The following EHD1 variants were observed in gnomAD, a reference collection of about 807,000 sequenced individuals.
EHD1 encodes EH domain containing 1, also known as EH domain-containing protein 1.
EHD1 carries 19 observed loss-of-function variants against 39.0 expected under a neutral mutation model. The ratio of observed to expected loss-of-function variants is 0.49; its 90% CI spans 0.34 to 0.72. EHD1 has a LOEUF of 0.72. EHD1 is among the 30% of genes least tolerant of loss of function. The pLI, the probability that EHD1 is intolerant of heterozygous loss-of-function variation, is 0.01. For missense variants in EHD1, 542 were observed against 751.5 expected (o/e 0.72, Z 3.26); for synonymous variants, 323 against 331.2 (o/e 0.98, Z 0.27).
chr11:64,855,015 T>C (rs868016292), intron 4 of EHD1, 158 bp from the exon 5 acceptor site: 20 of 988,700 alleles, frequency 2.0e-5, no homozygotes, highest in South Asian at 1.4e-4. Flanking sequence ...CTCTCTAACC[T>C]GTACACAGGA....
In EHD1 at chr11:64,854,651, C is replaced by A; in HGVS notation, c.1287G>T (p.Gly429=). The A allele has an allele frequency of 6.2e-7, 1 of 1,613,934 alleles. No individual in the cohort carries two copies. The highest frequency in any genetic ancestry group is 1.3e-5 in the African/African-American group (1 of 75,040). Reference sequence around the variant, plus strand: ...CCACGTCGTCGATGCCCTCGCCGGCCCCCTCGCCGTAGCCGTGCCCGAACG... The same window carrying A: ...CCACGTCGTCGATGCCCTCGCCGGCACCCTCGCCGTAGCCGTGCCCGAACG... ...NGPFGHGYGE[G]AGEGIDDVEW... is the part of the protein sequence containing the mutation. Residue 429 remains glycine, a synonymous_variant, in exon 5 of 5, where the codon GGG becomes GGT. Transcript: ENST00000320631.
At chr11:64,862,584 C>G (rs1943727080) in intron 2 of EHD1, among the ~76,000 whole-genome samples, 1 of 152,162 alleles carries the variant, frequency 6.6e-6, no homozygotes, top group Admixed American at 6.5e-5. Context: ...TGACTTAAGC[C>G]AATGATTTTT....
Position 64,860,063 on chromosome 11 carries a change from G to A in EHD1, c.776C>T (p.Ser259Phe). 6.2e-7 allele frequency: 1 copy of A among 1,614,154 alleles called. No individual in the cohort carries two copies. The highest frequency in any genetic ancestry group is 8.5e-7 in the Non-Finnish European group (1 of 1,180,030). ...GTTGTCGGGGATGAGGAGCGGGTGG[G>A]ACCAGAAGGAGCCGATGTAGACCCT... ...VVRVYIGSFW[S>F]HPLLIPDNRK... The change falls in exon 3 of 5, where the codon TCC becomes TTC. Residue 259 changes from serine (S) to phenylalanine (F), a missense_variant. By Grantham distance (155) the Ser-to-Phe change is radical. Coordinates refer to ENST00000320631, the MANE Select transcript of EHD1 (RefSeq NM_006795.4).
rs200967520 is a variant in EHD1, at chr11:64,854,750, C to T, written c.1188G>A (p.Met396Ile). 6.2e-7 allele frequency: 1 copy of T among 1,611,532 alleles called. No homozygotes were observed. The highest frequency in any genetic ancestry group is 1.3e-5 in the African/African-American group (1 of 75,054). Reference protein sequence around the residue: ...LANDIARLMVMVRQEESLMPS... With the variant: ...LANDIARLMVIVRQEESLMPS... The stretch of plus-strand genomic sequence containing the variant: ...GCATCAGGGACTCCTCCTGCCGCAC[C>T]ATCACCATCAGCCGCGCGATGTCGT... Residue 396 changes from methionine to isoleucine, a missense_variant, in exon 5 of 5, where the codon ATG becomes ATA. Coordinates refer to ENST00000320631, the MANE Select transcript of EHD1 (RefSeq NM_006795.4).
intron 2 of EHD1, among the ~76,000 whole-genome samples, chr11:64,869,985 A>G (rs1943810753): frequency 6.6e-6 from 1 of 152,182 alleles, no homozygotes; most frequent in African/African-American, 2.4e-5. Flanking sequence ...GACAGCTCCC[A>G]GGCTTAGAGG....
At chr11:64,854,983 G>A (rs1007553895) in intron 4 of EHD1, 126 bp from the exon 5 acceptor site, 18 of 1,253,774 alleles carry the variant, frequency 1.4e-5, no homozygotes, top group African/African-American at 3.0e-5. Context: ...GGGGCGACTC[G>A]GCAAAACCAT....
At chr11:64,878,701 G>A (rs921575939), upstream of EHD1, 4 of 1,351,836 alleles carry the variant, frequency 3.0e-6, no homozygotes, top group Non-Finnish European at 3.8e-6. Flanking sequence ...GGGGCAGGGC[G>A]GAATTGGGGG....
chr11:64,868,587 A>G lies in EHD1; in HGVS notation c.502+5834T>C, dbSNP rs1943793704. Reference sequence around the variant, plus strand: ...GTGGAAGCAAAAGGCTTCATCCTGTATGATTCCATTTAGGTGACATTCCGG... The same window carrying G: ...GTGGAAGCAAAAGGCTTCATCCTGTGTGATTCCATTTAGGTGACATTCCGG... On this transcript the variant is annotated intron_variant, in intron 2 of 4. Transcript: ENST00000320631. The surrounding 1 kb of genome is among the most constrained non-coding windows in gnomAD (Gnocchi z 4.2). Among the ~76,000 whole-genome samples the G allele has an allele frequency of 6.6e-6, 1 of 152,254 alleles. No individual in the cohort carries two copies. The highest frequency in any genetic ancestry group is 1.5e-5 in the Non-Finnish European group (1 of 68,042).
intron 4 of EHD1, 21 bp downstream of exon 4, chr11:64,855,301 G>T: frequency 6.2e-7 from 1 of 1,611,018 alleles, no homozygotes; most frequent in Non-Finnish European, 8.5e-7. Context: ...CAGCCTGCAT[G>T]GGGCCTCGGG....
intron 1 of EHD1, chr11:64,877,850 A>T (rs1275851947): frequency 2.3e-6 from 1 of 436,074 alleles, no homozygotes; most frequent in Non-Finnish European, 3.9e-6. Context: ...GGAGGACAGA[A>T]GCTGGGGGAG....
At chr11:64,869,314 G>C (rs1048667807) in intron 2 of EHD1, among the ~76,000 whole-genome samples, 1 of 152,246 alleles carries the variant, frequency 6.6e-6, no homozygotes, top group African/African-American at 2.4e-5. Flanking sequence ...ATCCTGGCCT[G>C]CTGGGCCACA....
intron 1 of EHD1, chr11:64,877,828 G>T: frequency 2.5e-6 from 1 of 407,108 alleles, no homozygotes; most frequent in Non-Finnish European, 4.3e-6. Flanking sequence ...TGGTTACCCT[G>T]GAAGATTCTG....
chr11:64,874,301 CAA>C (rs35867760), intron 2 of EHD1, 118 bp downstream of exon 2: 17,720 of 459,176 alleles, frequency 0.039, no homozygotes, highest in East Asian at 0.077. Context: ...AAGACTCCGT[CAA>C]AAAAAAAAAA....
At chr11:64,873,231 C>T (rs1943848965) in intron 2 of EHD1, among the ~76,000 whole-genome samples, 1 of 152,252 alleles carries the variant, frequency 6.6e-6, no homozygotes, top group East Asian at 1.9e-4. Context: ...TACTGCATAG[C>T]AAGAAGGCCT....
chr11:64,878,425 CCTT>C lies in EHD1; in HGVS notation c.37_39del (p.Lys13del). 6.2e-7 allele frequency: 1 copy of C among 1,613,114 alleles called. No homozygotes were observed. Among genetic ancestry groups the C allele is most frequent in the South Asian group, 1.1e-5 (1 of 91,076 alleles). On this transcript the variant is annotated inframe_deletion, in exon 1 of 5. Coordinates refer to ENST00000320631, the MANE Select transcript of EHD1 (RefSeq NM_006795.4). ...GCCACCGTCTGGAAGAGCTCCGGCT[CCTT>C]CTTGCGGCGGGCATCCTTGCTGACC... is the stretch of plus-strand genomic sequence containing the variant.
chr11:64,867,279 G>T (rs653225), intron 2 of EHD1, among the ~76,000 whole-genome samples: 111,973 of 151,420 alleles, frequency 0.74, 44,702 homozygotes, highest in Non-Finnish European at 0.89. Flanking sequence ...ATTAGCCAGG[G>T]ATGGTGCCAC....
chr11:64,864,437 G>A (rs1206237665), intron 2 of EHD1, among the ~76,000 whole-genome samples: 1 of 152,276 alleles, frequency 6.6e-6, no homozygotes, highest in Non-Finnish European at 1.5e-5. Flanking sequence ...TGCCCAAAGA[G>A]TGAAGTCTCG....
intron 2 of EHD1, among the ~76,000 whole-genome samples, chr11:64,871,680 G>A (rs1229075090): frequency 8.5e-5 from 13 of 152,138 alleles, no homozygotes; most frequent in Non-Finnish European, 1.5e-5. Context: ...TTCAGCCACC[G>A]GCTCCTTCCT....
chr11:64,855,068 A>G (rs1270456858), intron 4 of EHD1: 8 of 830,310 alleles, frequency 9.6e-6, no homozygotes, highest in African/African-American at 1.7e-5. Flanking sequence ...GCAAGGATTC[A>G]TGGACAGGGC....
Sources: gnomAD v4.1 joint callset for allele counts (sites outside exome capture counted in the v4.1 genomes callset) on GRCh38, gnomAD v4.1.1 for gene constraint, Gnocchi (gnomAD v3.1) non-coding constraint, MANE v1.5 for transcripts, NCBI Gene and HGNC (gene_info 2026-07-23, HGNC 2026-07-21) for gene names.